Variants in SYNE2 observed in about 807,000 individuals in gnomAD.
The protein encoded by SYNE2 is spectrin repeat containing nuclear envelope protein 2.
SYNE2 carries 431 observed loss-of-function variants against 856.3 expected under a neutral mutation model. The ratio of observed to expected loss-of-function variants is 0.50; its 90% CI spans 0.47 to 0.55. The LOEUF is 0.55. SYNE2 is among the 20% of genes least tolerant of loss of function. The probability of loss-of-function intolerance (pLI) is 0.00; values close to 1 mark genes in which losing one functional copy is unlikely to be tolerated. For missense variants in SYNE2, 8,129 were observed against 8,023.2 expected (o/e 1.01, Z -0.50); for synonymous variants, 2,923 against 2,872.3 (o/e 1.02, Z -0.56).
At chr14:64,143,595 C>G (rs1292670976) in intron 82 of SYNE2, among the ~76,000 whole-genome samples, 177 bp from the exon 83 acceptor site, 14 of 152,124 alleles carry the variant, frequency 9.2e-5, no homozygotes, top group Non-Finnish European at 4.4e-5. Context: ...CCAAAAGAAT[C>G]CCTACTCCAA....
At chr14:63,825,327 A>G (rs1889383870) in intron 1 of SYNE2, among the ~76,000 whole-genome samples, 1 of 152,228 alleles carries the variant, frequency 6.6e-6, no homozygotes, top group East Asian at 1.9e-4. Context: ...TAATGGCAAT[A>G]ACATAAACTT....
At chr14:63,945,341 G>A (rs938971545) in intron 6 of SYNE2, among the ~76,000 whole-genome samples, 16 of 152,058 alleles carry the variant, frequency 1.1e-4, no homozygotes, top group African/African-American at 2.7e-4. Context: ...GGTGAGCACC[G>A]CTTTGAGCTC....
chr14:64,051,989 G>C lies in SYNE2; in HGVS notation c.8076G>C (p.Arg2692Ser). Residue 2692 changes from arginine to serine, a missense_variant, in exon 48 of 116, where the codon AGG becomes AGC. Arg to Ser is a moderately radical substitution (Grantham distance 110). Coordinates refer to ENST00000555002, the MANE Select transcript of SYNE2 (RefSeq NM_182914.3). ...LKGQAELQMK[R>S]IWGEKEKKNL... ...GGCAAGCTGAACTTCAGATGAAGAGGATTTGGGGAGAAAAAGAAAAGAAGA... is the reference window on the plus strand; with the variant it reads ...GGCAAGCTGAACTTCAGATGAAGAGCATTTGGGGAGAAAAAGAAAAGAAGA... The C allele has an allele frequency of 6.2e-7, 1 of 1,613,802 alleles. No individual in the cohort carries two copies. The highest frequency in any genetic ancestry group is 1.1e-5 in the South Asian group (1 of 91,056).
chr14:64,215,249 C>G, intron 106 of SYNE2, 37 bp from the exon 107 acceptor site: 5 of 1,586,244 alleles, frequency 3.2e-6, no homozygotes, highest in Non-Finnish European at 4.3e-6. Context: ...AATCTTCAGG[C>G]ACCTCCAGTG....
rs1340013211 is a variant in SYNE2, at chr14:64,158,723, G to A, written c.15891G>A (p.Trp5297Ter). The change falls in exon 86 of 116, where the codon TGG becomes TGA. Residue 5297 changes from tryptophan (W) to a stop codon, truncating the protein, a stop_gained. Coordinates refer to ENST00000555002, the MANE Select transcript of SYNE2 (RefSeq NM_182914.3). LOFTEE classifies it high-confidence loss of function. ...DEVNMMTIRF[W>*]YCMEHSKPVV... ...TGAATATGATGACAATCCGATTCTG[G>A]TACTGCATGGAACACAGCAAGCCTG... The A allele has an allele frequency of 6.2e-7, 1 of 1,613,812 alleles. No individual in the cohort carries two copies. Among genetic ancestry groups the A allele is most frequent in the East Asian group, 2.2e-5 (1 of 44,880 alleles).
At chr14:64,075,013 G>T (rs1184464848) in intron 53 of SYNE2, among the ~76,000 whole-genome samples, 1 of 152,190 alleles carries the variant, frequency 6.6e-6, no homozygotes, top group Non-Finnish European at 1.5e-5. Flanking sequence ...ACTAGGTGTA[G>T]ATAAAACGGG....
chr14:64,052,867 A>G lies in SYNE2; in HGVS notation c.8954A>G (p.Lys2985Arg), dbSNP rs2097237936. 1 of 1,613,816 alleles carries G rather than the reference A, an allele frequency of 6.2e-7. No homozygotes were observed. ...GTTAAAGAGGAGATCTATAATCTTA[A>G]AGACAGACTCACCGCTATTAAGTGT... The part of the protein sequence containing the change: ...KGVKEEIYNL[K>R]DRLTAIKCCI... Residue 2985 changes from lysine to arginine, a missense_variant, in exon 48 of 116, where the codon AAA (lysine) becomes AGA (arginine). Lys to Arg is a conservative substitution (Grantham distance 26, BLOSUM62 2). This residue lies in a region of SYNE2 where 5,410 missense variants were observed against 5,284.8 expected (regional missense o/e 1.02). Coordinates refer to ENST00000555002, the MANE Select transcript of SYNE2 (RefSeq NM_182914.3).
At chr14:64,127,490 C>T (rs933668115) in intron 73 of SYNE2, among the ~76,000 whole-genome samples, 2 of 152,098 alleles carry the variant, frequency 1.3e-5, no homozygotes, top group African/African-American at 4.8e-5. Context: ...AATAATGTTT[C>T]ATTTCTTGTA....
At position 64,175,116 on chromosome 14, in the gene SYNE2, A is replaced by C; in HGVS notation, c.17408A>C (p.Lys5803Thr). The C allele has an allele frequency of 6.2e-7, 1 of 1,614,078 alleles. No individual in the cohort carries two copies. Among genetic ancestry groups the C allele is most frequent in the Middle Eastern group, 1.6e-4 (1 of 6,062 alleles). Residue 5803 changes from lysine (K) to threonine (T), a missense_variant, in exon 95 of 116, where the codon AAG becomes ACG. Transcript: ENST00000555002. ...GAGCCCCAGCTGGCAGAGATGATTA[A>C]GCAGTTCCAGAGCACTGTAGAGGTA... ...DMEPQLAEMI[K>T]QFQSTVETWD...
chr14:64,073,430 G>A (rs2097429172), intron 52 of SYNE2, among the ~76,000 whole-genome samples: 1 of 152,154 alleles, frequency 6.6e-6, no homozygotes, highest in African/African-American at 2.4e-5. Flanking sequence ...ATCTACAAGG[G>A]TATTAAGAGC....
At position 64,074,200 on chromosome 14, in the gene SYNE2, T is replaced by G. The variant is rs1033090545; in HGVS notation, c.10866+64T>G. On this transcript the variant is annotated intron_variant, in intron 53 of 115. Transcript: ENST00000555002. ...GCCCACAGTCTTGTATCCAAAGTCC[T>G]TGGGGTAGAGATAACTCAGTGGCTG... The G allele has an allele frequency of 3.9e-6, 6 of 1,538,052 alleles. No homozygotes were observed. The African/African-American group carries it at 6.8e-5, about 17-fold the overall frequency.
intron 19 of SYNE2, among the ~76,000 whole-genome samples, chr14:63,989,538 A>T (rs899444501): frequency 6.6e-6 from 1 of 152,112 alleles, no homozygotes; most frequent in African/African-American, 2.4e-5. Context: ...GGGTTTCACC[A>T]TGTTGGCCAG....
chr14:64,153,965 T>A (rs1288883315), intron 85 of SYNE2, among the ~76,000 whole-genome samples: 1 of 152,142 alleles, frequency 6.6e-6, no homozygotes, highest in East Asian at 1.9e-4. Context: ...GGGACAACCA[T>A]GTATCCACAT....
At chr14:63,782,076 T>C (rs34300343) in intron 1 of SYNE2, among the ~76,000 whole-genome samples, 10,193 of 151,114 alleles carry the variant, frequency 0.067, 358 homozygotes, top group Admixed American at 0.11. Flanking sequence ...TTGAGGCTGT[T>C]GTAAGCCATG....
At chr14:63,883,116 T>C (rs2094904026) in intron 1 of SYNE2, among the ~76,000 whole-genome samples, 1 of 152,140 alleles carries the variant, frequency 6.6e-6, no homozygotes, top group South Asian at 2.1e-4. Flanking sequence ...TGGAGTGCAG[T>C]AGCATGATCT....
At chr14:63,807,578 T>C (rs1403774079) in intron 1 of SYNE2, among the ~76,000 whole-genome samples, 1 of 151,602 alleles carries the variant, frequency 6.6e-6, no homozygotes, top group African/African-American at 2.4e-5. Context: ...TGTATAAAAC[T>C]AGAAATTGGT....
intron 1 of SYNE2, among the ~76,000 whole-genome samples, chr14:63,807,819 T>TTATA (rs71120288): frequency 0.015 from 379 of 25,412 alleles, 12 homozygotes; most frequent in African/African-American, 0.02. Flanking sequence ...TACTCCAGGC[T>TTATA]TATATATATA....
In SYNE2 at chr14:64,020,202, A is replaced by G. The variant is rs1314858559; in HGVS notation, c.5151+109A>G. On this transcript the variant is annotated intron_variant, in intron 35 of 115. Coordinates refer to ENST00000555002, the MANE Select transcript of SYNE2 (RefSeq NM_182914.3). ...AGCAAAACCCTGTCTCTAAAAGAAG[A>G]AAAAAACGGCCCAATTAAAGATTCT... 9 of 762,946 alleles carry G rather than the reference A, an allele frequency of 1.2e-5. No homozygotes were observed. The East Asian group carries it at 1.6e-4, about 13-fold the overall frequency. 47.3% of individuals were successfully genotyped at this position (762,946 alleles called of 1,614,324 possible).
intron 63 of SYNE2, chr14:64,099,046 C>T (rs2097700178): frequency 3.8e-6 from 2 of 525,544 alleles, no homozygotes; most frequent in Non-Finnish European, 6.8e-6. Context: ...CTCTTGTTGG[C>T]ATACGGGAGA....
Sources: gnomAD v4.1 joint callset for allele counts (sites outside exome capture counted in the v4.1 genomes callset) on GRCh38, gnomAD v4.1.1 for gene constraint, gnomAD v4.1.1 regional missense constraint, MANE v1.5 for transcripts, NCBI Gene and HGNC (gene_info 2026-07-23, HGNC 2026-07-21) for gene names.